The following DPP10 variants were observed in gnomAD, a reference collection of about 807,000 sequenced individuals.
DPP10 encodes the protein dipeptidyl peptidase like 10, also known as inactive dipeptidyl peptidase 10.
A neutral mutation model predicts 120.9 loss-of-function variants in DPP10; 33 were observed. The ratio of observed to expected loss-of-function variants is 0.27; its 90% confidence interval spans 0.21 to 0.37. DPP10 has a LOEUF of 0.37. Ranked by LOEUF, DPP10 falls within the 10% of genes least tolerant of loss-of-function variation. The pLI is 1.00. For synonymous variants in DPP10, 337 were observed against 326.1 expected (o/e 1.03, Z -0.36); for missense variants, 816 against 942.8 (o/e 0.87, Z 1.76).
In DPP10 at chr2:115,682,309, A is replaced by G. The variant is rs567745306; in HGVS notation, c.442-7378A>G. 2.0e-5 allele frequency among the ~76,000 whole-genome samples: 3 copies of G among 152,032 alleles called. No homozygotes were observed. In the South Asian group the frequency reaches 6.2e-4, roughly 31 times the overall value. ...AGTTGCTTATTTGTGTTAATTAATG[A>G]GGAGAGGTCTGGTCCATGAAAATAT... On this transcript the variant is annotated intron_variant, in intron 5 of 25. Transcript: ENST00000410059.
intron 1 of DPP10, among the ~76,000 whole-genome samples, chr2:115,095,511 A>C (rs1430498528): frequency 1.3e-5 from 2 of 152,006 alleles, no homozygotes; most frequent in Non-Finnish European, 2.9e-5. Context: ...ATTAGACACA[A>C]GTAAGATCTA....
At chr2:115,342,519 T>A (rs186097924) in intron 2 of DPP10, among the ~76,000 whole-genome samples, 255 of 152,256 alleles carry the variant, frequency 1.7e-3, no homozygotes, top group African/African-American at 6.0e-3. Flanking sequence ...TGGCCTGACA[T>A]CTATTATATG....
intron 1 of DPP10, among the ~76,000 whole-genome samples, chr2:114,501,238 C>A (rs1246227152): frequency 6.6e-6 from 1 of 151,956 alleles, no homozygotes; most frequent in African/African-American, 2.4e-5. Context: ...CTCCTTAAAG[C>A]AAAAATAATA....
chr2:115,519,340 A>G (rs2077671649), intron 4 of DPP10, among the ~76,000 whole-genome samples: 1 of 152,170 alleles, frequency 6.6e-6, no homozygotes, highest in Non-Finnish European at 1.5e-5. Context: ...CATAAAAATT[A>G]CGTAGTTGTA....
chr2:114,933,069 T>C (rs1225656081), intron 1 of DPP10, among the ~76,000 whole-genome samples: 1 of 152,192 alleles, frequency 6.6e-6, no homozygotes, highest in Non-Finnish European at 1.5e-5. Flanking sequence ...ATAGTCTCAT[T>C]TATTCATCCT....
At position 115,842,434 on chromosome 2, in the gene DPP10, T is replaced by C. The variant is rs910888026; in HGVS notation, c.*89T>C. On this transcript the variant is annotated 3_prime_UTR_variant, in exon 26 of 26. Coordinates refer to ENST00000410059, the MANE Select transcript of DPP10 (RefSeq NM_020868.6). ...GTAATATTGTAGTTGCTCCAGAATG[T>C]CAAGGGCAGCTTACGGAGATGTCAC... The C allele has an allele frequency of 1.4e-6, 2 of 1,472,284 alleles. No individual in the cohort carries two copies. The highest frequency in any genetic ancestry group is 2.8e-5 in the African/African-American group (2 of 72,054). 91.2% of individuals were successfully genotyped at this position (1,472,284 alleles called of 1,614,324 possible).
intron 1 of DPP10, among the ~76,000 whole-genome samples, chr2:114,800,698 G>A (rs1684119657): frequency 6.6e-6 from 1 of 152,144 alleles, no homozygotes; most frequent in South Asian, 2.1e-4. Flanking sequence ...GGTACATATT[G>A]CTTCTCCGGT....
rs976982170 is a variant in DPP10, at chr2:115,822,839, G to A, written c.1950+7110G>A. 7.9e-5 allele frequency among the ~76,000 whole-genome samples: 12 copies of A among 151,640 alleles called. 1 individual carries two copies. Among genetic ancestry groups the A allele is most frequent in the Admixed American group, 7.9e-4 (12 of 15,226 alleles). ...TATAAACTTTTCTTGGTGCCTTTTG[G>A]TATTTAATTCTGTGTCATACTTGCT... is the stretch of plus-strand genomic sequence containing the variant. On this transcript the variant is annotated intron_variant, in intron 21 of 25. Transcript: ENST00000410059.
At chr2:114,750,691 G>A (rs952914065) in intron 1 of DPP10, among the ~76,000 whole-genome samples, 33 of 152,158 alleles carry the variant, frequency 2.2e-4, no homozygotes, top group African/African-American at 7.2e-4. Flanking sequence ...TTTGAGAGTC[G>A]TTGGGTAGAT....
At chr2:115,281,832 A>G (rs1243904316) in intron 1 of DPP10, among the ~76,000 whole-genome samples, 1 of 152,160 alleles carries the variant, frequency 6.6e-6, no homozygotes, top group Non-Finnish European at 1.5e-5. Flanking sequence ...GCTGTGCTTT[A>G]TGATTTTAAA....
chr2:115,047,048 C>G (rs1253784033), intron 1 of DPP10, among the ~76,000 whole-genome samples: 1 of 151,902 alleles, frequency 6.6e-6, no homozygotes, highest in Non-Finnish European at 1.5e-5. Flanking sequence ...TAGTATCACT[C>G]CTATAATATT....
rs1690055368 is a variant in DPP10, at chr2:115,840,731, ATAAT to A, written c.2183-17_2183-14del. The A allele has an allele frequency of 6.2e-7, 1 of 1,610,666 alleles. No homozygotes were observed. Among genetic ancestry groups the A allele is most frequent in the African/African-American group, 1.3e-5 (1 of 74,838 alleles). ...CAAGCAGTGTGTTTCTTCAGATATC[ATAAT>A]TTGATTTCTTGCAGCAAAAGTTCAT... On this transcript the variant is annotated splice_polypyrimidine_tract_variant and intron_variant, in intron 24 of 25. Transcript: ENST00000410059.
chr2:115,431,720 G>A (rs1433825006), intron 3 of DPP10, among the ~76,000 whole-genome samples: 3 of 152,052 alleles, frequency 2.0e-5, no homozygotes, highest in Non-Finnish European at 2.9e-5. Flanking sequence ...TTGTGACCCA[G>A]CTTGCCCCGA....
chr2:115,057,474 G>A (rs1706017520), intron 1 of DPP10, among the ~76,000 whole-genome samples: 2 of 152,154 alleles, frequency 1.3e-5, no homozygotes, highest in African/African-American at 4.8e-5. Flanking sequence ...AAGTAGGTAA[G>A]GTAGATGTAC....
intron 1 of DPP10, among the ~76,000 whole-genome samples, chr2:114,965,964 C>CAAAAAAAAAAAAAAAA (rs57107624): frequency 3.5e-4 from 26 of 74,794 alleles, no homozygotes; most frequent in Admixed American, 1.4e-3. Context: ...GACTCCTTCT[C>CAAAAAAAAAAAAAAAA]AAAAAAAAAA....
chr2:115,830,577 A>G (rs1688818711), intron 21 of DPP10, among the ~76,000 whole-genome samples: 1 of 152,144 alleles, frequency 6.6e-6, no homozygotes, highest in African/African-American at 2.4e-5. Context: ...TCTTTACTGA[A>G]TTTAGTTCAG....
intron 1 of DPP10, among the ~76,000 whole-genome samples, chr2:115,117,048 A>G (rs1056370126): frequency 6.6e-6 from 1 of 152,154 alleles, no homozygotes; most frequent in Non-Finnish European, 1.5e-5. Context: ...AAACATGTTC[A>G]TATCTTATCC....
At chr2:115,807,702 A>T (rs1166767963) in intron 19 of DPP10, among the ~76,000 whole-genome samples, 1 of 151,866 alleles carries the variant, frequency 6.6e-6, no homozygotes, top group Non-Finnish European at 1.5e-5. Context: ...AGAAGAGAGA[A>T]AAAAGGGACA....
chr2:114,811,982 C>T (rs562996892), intron 1 of DPP10, among the ~76,000 whole-genome samples: 152 of 152,238 alleles, frequency 1.0e-3, no homozygotes, highest in African/African-American at 3.3e-3. Context: ...AGGAATGGTT[C>T]GGGGCACTGC....
Sources: allele counts gnomAD v4.1 joint callset (sites outside exome capture counted in the v4.1 genomes callset), GRCh38; gene constraint gnomAD v4.1.1; transcripts MANE v1.5; gene names NCBI Gene and HGNC (gene_info 2026-07-23, HGNC 2026-07-21).